ASAP1: variants seen among roughly 807,000 people sequenced by gnomAD.
The protein encoded by ASAP1 is ArfGAP with SH3 domain, ankyrin repeat and PH domain 1, also known as arf-GAP with SH3 domain, ANK repeat and PH domain-containing protein 1.
ASAP1 carries 43 observed loss-of-function variants against 145.2 expected under a neutral mutation model. The observed-to-expected ratio is 0.30, with a 90% CI of 0.23 to 0.38. The LOEUF is 0.38. ASAP1 is among the 10% of genes least tolerant of loss of function. The pLI is 1.00. For synonymous variants in ASAP1, 546 were observed against 515.5 expected, an observed-to-expected ratio of 1.06 and a Z score of -0.80; for missense variants, 1,018 against 1,355.3, an observed-to-expected ratio of 0.75 and a Z score of 3.91.
At position 130,052,105 on chromosome 8, in the gene ASAP1, T is replaced by C. The variant is rs1020956958; in HGVS notation, c.*2626A>G. The C allele has an allele frequency of 9.2e-5, 14 of 152,634 alleles. No individual in the cohort carries two copies. Among genetic ancestry groups the C allele is most frequent in the African/African-American group, 1.4e-4 (6 of 41,452 alleles). 9.5% of individuals were successfully genotyped at this position (152,634 alleles called of 1,614,324 possible). ...CACAAAATGGCCTGATTTCAGAAGT[T>C]TGGGATCAACTGAGAATATGTTTAT... On this transcript the variant is annotated 3_prime_UTR_variant, in exon 30 of 30. Coordinates refer to ENST00000518721, the MANE Select transcript of ASAP1 (RefSeq NM_018482.4).
intron 24 of ASAP1, among the ~76,000 whole-genome samples, chr8:130,100,517 T>C (rs1184558380): frequency 1.3e-5 from 2 of 151,916 alleles, no homozygotes; most frequent in Admixed American, 6.6e-5. Context: ...TTAGTAGAGA[T>C]GGGGTTTCAC....
At chr8:130,243,014 C>G (rs879482077) in intron 3 of ASAP1, among the ~76,000 whole-genome samples, 5 of 152,052 alleles carry the variant, frequency 3.3e-5, no homozygotes, top group Non-Finnish European at 7.4e-5. Context: ...ATCATTTAGG[C>G]ACTTATTCAT....
intron 2 of ASAP1, among the ~76,000 whole-genome samples, chr8:130,376,844 G>A (rs181691586): frequency 2.7e-5 from 4 of 146,202 alleles, no homozygotes; most frequent in East Asian, 2.0e-4. Flanking sequence ...CAGAGGTTGC[G>A]GTGAGATGAG....
intron 5 of ASAP1, among the ~76,000 whole-genome samples, chr8:130,199,863 G>A (rs1354864812): frequency 6.6e-6 from 1 of 152,112 alleles, no homozygotes; most frequent in African/African-American, 2.4e-5. Context: ...ACAGTTCTGT[G>A]GTAAAGCCGG....
rs1813895292 is a variant in ASAP1, at chr8:130,175,565, C to CT, written c.746+3698dup. On this transcript the variant is annotated intron_variant, in intron 9 of 29. Transcript: ENST00000518721. Reference sequence around the variant, plus strand: ...TTTTATATATTCTGGATATCAGACTCTTATCAGAAAAATATTTTGTAAATA... The same window carrying CT: ...TTTTATATATTCTGGATATCAGACTCTTTATCAGAAAAATATTTTGTAAATA... Among the ~76,000 whole-genome samples, 5 of 152,122 alleles carry CT rather than the reference C, an allele frequency of 3.3e-5. No individual in the cohort carries two copies. The South Asian group carries it at 8.3e-4, about 25-fold the overall frequency.
chr8:130,415,042 G>C (rs1396300966), intron 1 of ASAP1, among the ~76,000 whole-genome samples: 3 of 152,266 alleles, frequency 2.0e-5, no homozygotes, highest in Non-Finnish European at 4.4e-5. Flanking sequence ...ACAGGCGTAA[G>C]CCACTGTGCC....
At chr8:130,282,038 C>T (rs914841609) in intron 3 of ASAP1, among the ~76,000 whole-genome samples, 5 of 150,516 alleles carry the variant, frequency 3.3e-5, no homozygotes, top group African/African-American at 1.2e-4. Flanking sequence ...GATTACACTC[C>T]AGTCCAGGCG....
chr8:130,435,332 A>G (rs567293699), intron 1 of ASAP1, among the ~76,000 whole-genome samples: 2 of 152,298 alleles, frequency 1.3e-5, no homozygotes, highest in South Asian at 2.1e-4. Context: ...CTTCAAGCAC[A>G]TGCATTTTCT....
intron 3 of ASAP1, among the ~76,000 whole-genome samples, chr8:130,274,777 T>C (rs1045365502): frequency 1.3e-5 from 2 of 152,232 alleles, no homozygotes; most frequent in Non-Finnish European, 2.9e-5. Flanking sequence ...CTGTGTTCTC[T>C]GGCATAGAAT....
chr8:130,323,999 A>C (rs939131076), intron 3 of ASAP1, among the ~76,000 whole-genome samples: 117 of 152,272 alleles, frequency 7.7e-4, no homozygotes, highest in African/African-American at 2.7e-3. Flanking sequence ...TCCCTCAGTT[A>C]TCACCCTATT....
At chr8:130,118,435 T>C in intron 19 of ASAP1, 54 bp downstream of exon 19, 1 of 1,544,750 alleles carries the variant, frequency 6.5e-7, no homozygotes, top group Non-Finnish European at 8.8e-7. Context: ...TAAGTCACCT[T>C]TTAAACTGAT....
At chr8:130,133,363 C>T (rs900582084) in intron 15 of ASAP1, among the ~76,000 whole-genome samples, 1 of 152,214 alleles carries the variant, frequency 6.6e-6, no homozygotes, top group South Asian at 2.1e-4. Context: ...GAGTGCAAAA[C>T]TCCAACCCAG....
intron 3 of ASAP1, among the ~76,000 whole-genome samples, chr8:130,284,960 G>T (rs1457749362): frequency 6.6e-6 from 1 of 151,738 alleles, no homozygotes; most frequent in African/African-American, 2.4e-5. Context: ...ACAAAGATTG[G>T]TCCTAATGCC....
intron 27 of ASAP1, among the ~76,000 whole-genome samples, chr8:130,072,824 T>TGTGTGCGCGCGCGCGCGCGCGCGC: frequency 9.3e-5 from 3 of 32,282 alleles, no homozygotes; most frequent in Non-Finnish European, 1.7e-4. Context: ...TGTGTGTGTG[T>TGTGTGCGCGCGCGCGCGCGCGCGC]GCGCGCGGGG....
At chr8:130,142,540 A>G (rs2135872644) in intron 13 of ASAP1, among the ~76,000 whole-genome samples, 1 of 152,336 alleles carries the variant, frequency 6.6e-6, no homozygotes, top group East Asian at 1.9e-4. Flanking sequence ...CCATGCCATT[A>G]AACATCTGTG....
chr8:130,253,627 G>C (rs1422783785), intron 3 of ASAP1, among the ~76,000 whole-genome samples: 1 of 152,120 alleles, frequency 6.6e-6, no homozygotes, highest in Non-Finnish European at 1.5e-5. Flanking sequence ...ACTTCCGTCT[G>C]CCATTTTTAT....
chr8:130,226,992 T>C (rs994258318), intron 4 of ASAP1, among the ~76,000 whole-genome samples: 1 of 152,062 alleles, frequency 6.6e-6, no homozygotes, highest in African/African-American at 2.4e-5. Flanking sequence ...TCTAAATAAA[T>C]AGGTGTTTAA....
chr8:130,401,764 C>T (rs1755284926), intron 2 of ASAP1, 121 bp downstream of exon 2: 3 of 858,080 alleles, frequency 3.5e-6, no homozygotes, highest in Admixed American at 2.2e-5. Flanking sequence ...ATCGTGCACA[C>T]AGTCTCTGTT....
At chr8:130,121,269 G>A (rs2097565384) in intron 18 of ASAP1, among the ~76,000 whole-genome samples, 1 of 152,126 alleles carries the variant, frequency 6.6e-6, no homozygotes, top group South Asian at 2.1e-4. Flanking sequence ...TCCTTCACAC[G>A]TCAGCTACAG....
Sources: gnomAD v4.1 joint callset for allele counts (sites outside exome capture counted in the v4.1 genomes callset) on GRCh38, gnomAD v4.1.1 for gene constraint, MANE v1.5 for transcripts, NCBI Gene and HGNC (gene_info 2026-07-23, HGNC 2026-07-21) for gene names.